CTNNA2: variants seen among roughly 807,000 people sequenced by gnomAD.
CTNNA2 encodes catenin alpha-2.
In CTNNA2, 42 loss-of-function variants were observed where a neutral mutation model predicts 101.0. That is an observed-to-expected ratio of 0.42 (90% CI 0.32 to 0.54). CTNNA2 has a LOEUF of 0.54. Ranked by LOEUF, CTNNA2 falls within the 20% of genes least tolerant of loss-of-function variation. CTNNA2 has a pLI of 0.14. For synonymous variants in CTNNA2, 450 were observed against 456.4 expected (o/e 0.99, Z 0.18); for missense variants, 871 against 1,223.1 (o/e 0.71, Z 4.29).
intron 4 of CTNNA2, among the ~76,000 whole-genome samples, chr2:79,469,964 T>C (rs1261135860): frequency 6.6e-6 from 1 of 152,150 alleles, no homozygotes. Flanking sequence ...CTTTGAAAAC[T>C]GGCACAAGAC....
At chr2:80,030,263 A>T (rs185733158) in intron 7 of CTNNA2, among the ~76,000 whole-genome samples, 2 of 152,176 alleles carry the variant, frequency 1.3e-5, no homozygotes, top group African/African-American at 4.8e-5. Flanking sequence ...AAAAGAAAAA[A>T]ACTGCTAAGT....
At chr2:79,236,291 G>A (rs930493099) in intron 2 of CTNNA2, among the ~76,000 whole-genome samples, 2 of 152,146 alleles carry the variant, frequency 1.3e-5, no homozygotes, top group African/African-American at 4.8e-5. Context: ...GTGCCACCAT[G>A]TTTGACTATT....
chr2:80,059,505 C>T (rs1210544139), intron 7 of CTNNA2, among the ~76,000 whole-genome samples: 3 of 152,214 alleles, frequency 2.0e-5, no homozygotes, highest in Non-Finnish European at 4.4e-5. Flanking sequence ...TTACTGGAGT[C>T]TCCCGGATTC....
At chr2:80,184,701 T>C (rs569204744) in intron 7 of CTNNA2, among the ~76,000 whole-genome samples, 1 of 152,294 alleles carries the variant, frequency 6.6e-6, no homozygotes, top group South Asian at 2.1e-4. Context: ...TGTGTGCCTG[T>C]CTTTTCTATA....
At chr2:79,498,232 T>G (rs1172774152) in intron 4 of CTNNA2, 2 of 152,212 alleles carry the variant, frequency 1.3e-5, no homozygotes, top group African/African-American at 4.8e-5. Flanking sequence ...CTCTGTCTAT[T>G]TTCTTTCATG....
intron 4 of CTNNA2, among the ~76,000 whole-genome samples, chr2:79,418,270 C>A (rs1020889927): frequency 6.6e-6 from 1 of 152,112 alleles, no homozygotes; most frequent in African/African-American, 2.4e-5. Flanking sequence ...AAATGTCTGG[C>A]AACCTTTTAT....
At chr2:79,277,344 G>A (rs192913195) in intron 2 of CTNNA2, among the ~76,000 whole-genome samples, 18 of 152,126 alleles carry the variant, frequency 1.2e-4, no homozygotes, top group Admixed American at 8.5e-4. Flanking sequence ...TCGAATCTCT[G>A]CCTCATTGTG....
intron 7 of CTNNA2, among the ~76,000 whole-genome samples, chr2:80,158,736 C>T (rs1704127457): frequency 6.6e-6 from 1 of 152,044 alleles, no homozygotes; most frequent in Non-Finnish European, 1.5e-5. Flanking sequence ...GGTGAAACCT[C>T]CTGTCTCTAC....
chr2:79,487,576 C>T lies in CTNNA2; in HGVS notation c.-134-17478C>T, dbSNP rs113366426. ...TTGCCTACATAACTCACAGAGGCCA[C>T]GTGCAAGTGCTCCAGTGGTCAGCTG... On this transcript the variant is annotated intron_variant, in intron 4 of 21. Coordinates refer to the CTNNA2 transcript ENST00000466387. Among the ~76,000 whole-genome samples, 656 of 152,298 alleles carry T rather than the reference C, an allele frequency of 4.3e-3. 6 individuals carry two copies. The highest frequency in any genetic ancestry group is 0.014 in the African/African-American group (579 of 41,570).
intron 1 of CTNNA2, among the ~76,000 whole-genome samples, chr2:79,551,983 G>A (rs1309093902): frequency 1.3e-5 from 2 of 151,994 alleles, no homozygotes; most frequent in African/African-American, 2.4e-5. Flanking sequence ...TTTCACCTCT[G>A]GCCCCTCCCA....
chr2:79,196,779 T>C (rs570417571), intron 1 of CTNNA2, among the ~76,000 whole-genome samples: 9 of 152,360 alleles, frequency 5.9e-5, no homozygotes, highest in Admixed American at 5.2e-4. Context: ...AATTGTGCTA[T>C]CTCAGGGAAG....
intron 1 of CTNNA2, among the ~76,000 whole-genome samples, chr2:79,523,591 A>C (rs937265726): frequency 6.6e-6 from 1 of 152,138 alleles, no homozygotes; most frequent in African/African-American, 2.4e-5. Context: ...GTCTACATGT[A>C]CTAATGTATT....
At chr2:80,618,455 G>C (rs1699029228) in intron 17 of CTNNA2, among the ~76,000 whole-genome samples, 1 of 151,874 alleles carries the variant, frequency 6.6e-6, no homozygotes, top group South Asian at 2.1e-4. Context: ...AAGGGCATTG[G>C]TTATTGGCTT....
chr2:79,775,257 CA>C, intron 3 of CTNNA2, among the ~76,000 whole-genome samples: 1 of 152,130 alleles, frequency 6.6e-6, no homozygotes, highest in Non-Finnish European at 1.5e-5. Context: ...GTAGAGGATA[CA>C]GACAGAAATG....
At chr2:80,563,670 AC>A (rs1693806073) in intron 12 of CTNNA2, among the ~76,000 whole-genome samples, 1 of 152,096 alleles carries the variant, frequency 6.6e-6, no homozygotes, top group African/African-American at 2.4e-5. Flanking sequence ...AGCCCATCCC[AC>A]TTGGCTCCTG....
At chr2:79,740,432 T>G (rs1276292431) in intron 2 of CTNNA2, among the ~76,000 whole-genome samples, 1 of 152,192 alleles carries the variant, frequency 6.6e-6, no homozygotes. Context: ...GTTATAAGAT[T>G]TTTGAAATAC....
At chr2:79,615,497 G>A (rs1389779018) in intron 1 of CTNNA2, among the ~76,000 whole-genome samples, 1 of 152,040 alleles carries the variant, frequency 6.6e-6, no homozygotes, top group Non-Finnish European at 1.5e-5. Flanking sequence ...TTTCATTTCT[G>A]TCAATAAGAT....
intron 1 of CTNNA2, among the ~76,000 whole-genome samples, chr2:79,530,288 A>G (rs1173828649): frequency 1.3e-5 from 2 of 152,166 alleles, no homozygotes; most frequent in Non-Finnish European, 2.9e-5. Context: ...CAGTAAAACA[A>G]AAAAAAGCAG....
intron 1 of CTNNA2, among the ~76,000 whole-genome samples, chr2:79,537,880 G>T (rs1673168687): frequency 6.7e-6 from 1 of 149,132 alleles, no homozygotes. Context: ...TTGGACATTT[G>T]GGTTTTATAA....
Sources: allele counts gnomAD v4.1 joint callset (sites outside exome capture counted in the v4.1 genomes callset), GRCh38; gene constraint gnomAD v4.1.1; transcripts MANE v1.5; gene names NCBI Gene and HGNC (gene_info 2026-07-23, HGNC 2026-07-21).